The following COL17A1 variants were observed in gnomAD, a reference collection of about 807,000 sequenced individuals.
COL17A1 encodes the protein collagen alpha-1(XVII) chain.
Under a neutral mutation model 218.4 loss-of-function variants are expected in COL17A1, and 181 were observed. The observed-to-expected ratio is 0.83, with a 90% CI of 0.73 to 0.94. The LOEUF is 0.94. Ranked by LOEUF, COL17A1 falls within the 40% of genes least tolerant of loss-of-function variation. COL17A1 has a pLI of 0.00. For synonymous variants in COL17A1, 721 were observed against 731.0 expected (o/e 0.99, Z 0.22); for missense variants, 1,924 against 1,945.9 (o/e 0.99, Z 0.21).
At chr10:104,071,995 T>C (rs1419030327) in intron 8 of COL17A1, 37 bp downstream of exon 8, 1 of 1,614,044 alleles carries the variant, frequency 6.2e-7, no homozygotes, top group Non-Finnish European at 8.5e-7. Flanking sequence ...CCTGGATTTC[T>C]GGACCCTTTC....
intron 48 of COL17A1, among the ~76,000 whole-genome samples, 188 bp from the exon 49 acceptor site, chr10:104,035,751 A>G (rs1366318952): frequency 6.9e-6 from 1 of 145,832 alleles, no homozygotes; most frequent in Non-Finnish European, 1.5e-5. Context: ...CCGGAGAAGC[A>G]GGTCCAGTGT....
In COL17A1 at chr10:104,062,330, CTG is replaced by C. The variant is rs748496080; in HGVS notation, c.839-3_839-2del. On this transcript the variant is annotated splice_acceptor_variant and splice_polypyrimidine_tract_variant and intron_variant, in intron 11 of 55. Coordinates refer to ENST00000648076, the MANE Select transcript of COL17A1 (RefSeq NM_000494.4). LOFTEE classifies it high-confidence loss of function. ...GCCAGATTGTTCTGCATGCCAAACA[CTG>C]TGAAAGCAACCAAGGTCAGGTGAGT... 2 of 1,614,098 alleles carry C rather than the reference CTG, an allele frequency of 1.2e-6. No homozygotes were observed. The highest frequency in any genetic ancestry group is 2.7e-5 in the African/African-American group (2 of 74,928).
Position 104,040,984 on chromosome 10 carries a change from G to A in COL17A1, c.2701+81C>T, listed in dbSNP as rs1321202610. 4.0e-6 allele frequency: 6 copies of A among 1,497,296 alleles called. No homozygotes were observed. The African/African-American group carries it at 8.3e-5, about 21-fold the overall frequency. The allele number at this position is 1,497,296 out of a possible 1,614,324, so 92.8% of individuals were successfully genotyped here. ...GCAGGAAGCCTGGTGAGTAGGTTGT[G>A]ACCACAAGGCTACGGCCACAGTCTG... is the stretch of plus-strand genomic sequence containing the variant. On this transcript the variant is annotated intron_variant, in intron 39 of 55. Coordinates refer to ENST00000648076, the MANE Select transcript of COL17A1 (RefSeq NM_000494.4).
intron 6 of COL17A1, 45 bp downstream of exon 6, chr10:104,074,139 G>A: frequency 6.2e-7 from 1 of 1,613,778 alleles, no homozygotes; most frequent in Non-Finnish European, 8.5e-7. Context: ...GATTTTCCTA[G>A]TGCCTCGTTT....
chr10:104,041,245 A>G (rs1407309029), intron 38 of COL17A1, 58 bp downstream of exon 38: 19 of 1,601,796 alleles, frequency 1.2e-5, no homozygotes, highest in Non-Finnish European at 1.6e-5. Flanking sequence ...TCAGGGTCCC[A>G]TTGCTACCCA....
At chr10:104,079,608 A>G (rs1274307617) in intron 2 of COL17A1, among the ~76,000 whole-genome samples, 1 of 152,232 alleles carries the variant, frequency 6.6e-6, no homozygotes, top group Non-Finnish European at 1.5e-5. Flanking sequence ...GGTTATGGAC[A>G]TGCCAGAAAC....
chr10:104,077,643 G>T (rs1589578630), intron 3 of COL17A1, 117 bp from the exon 4 acceptor site: 1 of 799,040 alleles, frequency 1.3e-6, no homozygotes, highest in East Asian at 2.7e-5. Flanking sequence ...TTAGTTTGGG[G>T]TTCCTTTCCC....
Position 104,057,175 on chromosome 10 carries a change from G to A in COL17A1, c.1268-3C>T, listed in dbSNP as rs367979061. On this transcript the variant is annotated splice_region_variant and splice_polypyrimidine_tract_variant and intron_variant, in intron 16 of 55. Transcript: ENST00000648076. ...ACTGCTGCCGTAGCTGTGGATATCT[G>A]TGAAAGAGACAGGGAAAATGAAGCA... 1 of 1,614,012 alleles carries A rather than the reference G, an allele frequency of 6.2e-7. No individual in the cohort carries two copies. Among genetic ancestry groups the A allele is most frequent in the Non-Finnish European group, 8.5e-7 (1 of 1,179,942 alleles).
In COL17A1 at chr10:104,039,093, G is replaced by A; in HGVS notation, c.2925C>T (p.Gly975=). 6.2e-7 allele frequency: 1 copy of A among 1,614,154 alleles called. No homozygotes were observed. Among genetic ancestry groups the A allele is most frequent in the Non-Finnish European group, 8.5e-7 (1 of 1,179,998 alleles). The change falls in exon 44 of 56, where the codon GGC becomes GGT. Residue 975 remains glycine, a synonymous_variant. Transcript: ENST00000648076. ...TACCTTCAGAAGGACCACTAGGAAT[G>A]CCAAGAGCCCCTGGAACACCTGGAT... ...KGDPGVPGAL[G]IPSGPSEGGS... is the part of the protein sequence containing the mutation.
chr10:104,038,358 G>GT, intron 45 of COL17A1, 48 bp downstream of exon 45: 2 of 1,611,746 alleles, frequency 1.2e-6, no homozygotes, highest in African/African-American at 2.7e-5. Flanking sequence ...CAAAGAGACT[G>GT]TATCTCCATG....
At chr10:104,043,639 G>A in intron 34 of COL17A1, 58 bp from the exon 35 acceptor site, 1 of 1,592,672 alleles carries the variant, frequency 6.3e-7, no homozygotes, top group Non-Finnish European at 8.6e-7. Flanking sequence ...AGAGGCGCTG[G>A]GACCCAAGCC....
At chr10:104,033,452 G>A (rs575313956) in intron 52 of COL17A1, 77 bp from the exon 53 acceptor site, 8 of 1,538,366 alleles carry the variant, frequency 5.2e-6, no homozygotes, top group Non-Finnish European at 6.2e-6. Context: ...AGTGCCCTCC[G>A]AGTGTCAAAC....
intron 40 of COL17A1, 38 bp downstream of exon 40, chr10:104,040,313 C>G: frequency 7.0e-7 from 1 of 1,425,170 alleles, no homozygotes; most frequent in Non-Finnish European, 9.9e-7. Flanking sequence ...ACAGAGGACA[C>G]ATACTGGCTT....
chr10:104,058,812 T>A (rs2086555448), intron 15 of COL17A1, among the ~76,000 whole-genome samples: 1 of 151,986 alleles, frequency 6.6e-6, no homozygotes, highest in Non-Finnish European at 1.5e-5. Flanking sequence ...CACATGACTG[T>A]AGTCCCAGCT....
At chr10:104,035,686 C>A (rs1190791273) in intron 48 of COL17A1, 123 bp from the exon 49 acceptor site, 33 of 783,764 alleles carry the variant, frequency 4.2e-5, no homozygotes, top group Middle Eastern at 3.7e-4. Context: ...GAGATGGTGG[C>A]AGGAAGAGAG....
At chr10:104,078,218 A>G (rs2086728832) in intron 3 of COL17A1, among the ~76,000 whole-genome samples, 1 of 152,196 alleles carries the variant, frequency 6.6e-6, no homozygotes, top group African/African-American at 2.4e-5. Context: ...AGGCAAATCT[A>G]CAGAGACAGT....
At chr10:104,056,853 T>C (rs2134620254) in intron 17 of COL17A1, 122 bp downstream of exon 17, 2 of 1,530,272 alleles carry the variant, frequency 1.3e-6, no homozygotes, top group East Asian at 2.5e-5. Context: ...TCTGCACCAA[T>C]GCATTCAGGT....
chr10:104,038,507 T>A lies in COL17A1; in HGVS notation c.2969A>T (p.Tyr990Phe). ...PSEGGSSSTM[Y>F]VSGPPGPPGP... The stretch of plus-strand genomic sequence containing the variant: ...AGGGGGCCCTGGCGGGCCTGACACG[T>A]ACATGGTACTTGATGATCCCCCTGC... Residue 990 changes from tyrosine to phenylalanine, a missense_variant, in exon 45 of 56, where the codon TAC becomes TTC. Tyr to Phe is a conservative substitution (Grantham distance 22). Coordinates refer to ENST00000648076, the MANE Select transcript of COL17A1 (RefSeq NM_000494.4). The A allele has an allele frequency of 6.2e-7, 1 of 1,613,192 alleles. No individual in the cohort carries two copies. Among genetic ancestry groups the A allele is most frequent in the Non-Finnish European group, 8.5e-7 (1 of 1,179,922 alleles).
chr10:104,038,873 G>A (rs1213319042), intron 44 of COL17A1, among the ~76,000 whole-genome samples, 198 bp downstream of exon 44: 1 of 152,168 alleles, frequency 6.6e-6, no homozygotes, highest in East Asian at 1.9e-4. Flanking sequence ...ATCATTATAT[G>A]TACCTGGGTC....
Sources: gnomAD v4.1 joint callset for allele counts (sites outside exome capture counted in the v4.1 genomes callset) on GRCh38, gnomAD v4.1.1 for gene constraint, MANE v1.5 for transcripts, NCBI Gene and HGNC (gene_info 2026-07-23, HGNC 2026-07-21) for gene names.